The following S100A5 variants were observed in gnomAD, a reference collection of about 807,000 sequenced individuals.
S100A5 encodes S100 calcium binding protein A5.
A neutral mutation model predicts 6.7 loss-of-function variants in S100A5; 5 were observed. That is an observed-to-expected ratio of 0.75 (90% CI 0.39 to 1.57). The LOEUF is 1.57. Among genes scored for constraint, S100A5 ranks in the 40% most tolerant of loss-of-function variants. S100A5 has a pLI of 0.03. For missense variants in S100A5, 129 were observed against 110.8 expected (o/e 1.16, Z -0.74); for synonymous variants, 49 against 44.9 (o/e 1.09, Z -0.37).
upstream of S100A5, chr1:153,541,326 T>C: frequency 1.5e-6 from 2 of 1,303,066 alleles, no homozygotes; most frequent in Non-Finnish European, 2.1e-6. Context: ...GTCACCCTCA[T>C]CATCCAGCGT....
rs763744728 is a variant in S100A5 at position 153,540,200 on chromosome 1, G to A, written c.-9C>T. 1.9e-6 allele frequency: 3 copies of A among 1,614,096 alleles called. No individual in the cohort carries two copies. The highest frequency in any genetic ancestry group is 2.5e-6 in the Non-Finnish European group (3 of 1,179,974). ...TCCAGAGGAGTCTCCATCACAGTGT[G>A]CAGCTCTGTAGAGGGAGAGGGGAAG... On this transcript the variant is annotated 5_prime_UTR_variant, in exon 2 of 3. Transcript: ENST00000368717.
intron 1 of S100A5, among the ~76,000 whole-genome samples, 154 bp downstream of exon 1, chr1:153,540,467 T>C (rs1352298905): frequency 6.6e-6 from 1 of 152,150 alleles, no homozygotes; most frequent in Non-Finnish European, 1.5e-5. Context: ...AAAGTAGGCC[T>C]GAGGCAGAAA....
chr1:153,543,299 C>A, upstream of S100A5: 2 of 985,412 alleles, frequency 2.0e-6, no homozygotes, highest in Non-Finnish European at 2.4e-6. Context: ...ACCTTCAATT[C>A]CAGCCTCGGT....
upstream of S100A5, among the ~76,000 whole-genome samples, chr1:153,541,089 C>G (rs973428467): frequency 1.3e-5 from 2 of 152,152 alleles, no homozygotes; most frequent in South Asian, 4.1e-4. Context: ...CCCATCATTC[C>G]TCTCCCACCA....
upstream of S100A5, chr1:153,543,615 A>T: frequency 1.2e-6 from 1 of 847,240 alleles, no homozygotes; most frequent in Non-Finnish European, 1.9e-6. Context: ...TCAAACCATC[A>T]GCCTCAAAAC....
chr1:153,541,532 C>G (rs1470984255), upstream of S100A5: 1 of 1,324,850 alleles, frequency 7.5e-7, no homozygotes, highest in East Asian at 4.9e-5. Context: ...AGGATGCCCA[C>G]GTCAGAGCCT....
At position 153,540,052 on chromosome 1, in the gene S100A5, ACCTC is replaced by A; in HGVS notation, c.136_138+1del. On this transcript the variant is annotated splice_donor_variant and coding_sequence_variant, in exon 2 of 3. Coordinates refer to ENST00000368717, the MANE Select transcript of S100A5 (RefSeq NM_001394232.1). LOFTEE classifies it high-confidence loss of function. ...GTGGAGGATGAGGGAACAATCACCT[ACCTC>A]CCCAAGACACAGCTCTTTCTTGATC... is the stretch of plus-strand genomic sequence containing the variant. 1 of 1,613,132 alleles carries A rather than the reference ACCTC, an allele frequency of 6.2e-7. No homozygotes were observed. The highest frequency in any genetic ancestry group is 8.5e-7 in the Non-Finnish European group (1 of 1,179,756).
intron 2 of S100A5, 63 bp downstream of exon 2, chr1:153,539,991 G>A: frequency 1.3e-6 from 2 of 1,583,114 alleles, no homozygotes; most frequent in Non-Finnish European, 1.7e-6. Context: ...CTGAGGGTAG[G>A]TATGTGTCCC....
upstream of S100A5, among the ~76,000 whole-genome samples, chr1:153,542,983 G>A (rs1206448772): frequency 3.9e-5 from 6 of 152,026 alleles, no homozygotes; most frequent in East Asian, 5.8e-4. Flanking sequence ...TGGCAGAGAC[G>A]GTGGATTCGA....
In S100A5 at chr1:153,537,442, G is replaced by T; in HGVS notation, c.139-6C>A. 6.2e-7 allele frequency: 1 copy of T among 1,613,812 alleles called. No homozygotes were observed. The highest frequency in any genetic ancestry group is 8.5e-7 in the Non-Finnish European group (1 of 1,179,884). Reference sequence around the variant, plus strand: ...TCGATGCTGCTCTCCTTCATCTTTTGTGGACCCAGGTGGAGAGACAGCTCA... The same window carrying T: ...TCGATGCTGCTCTCCTTCATCTTTTTTGGACCCAGGTGGAGAGACAGCTCA... On this transcript the variant is annotated splice_polypyrimidine_tract_variant and splice_region_variant and intron_variant, in intron 2 of 2. Coordinates refer to ENST00000368717, the MANE Select transcript of S100A5 (RefSeq NM_001394232.1).
At chr1:153,543,635 T>C, upstream of S100A5, 1 of 975,016 alleles carries the variant, frequency 1.0e-6, no homozygotes. Context: ...CTTCCAAGAA[T>C]CTTTATTGAA....
chr1:153,538,533 C>G (rs1443813661), intron 2 of S100A5, among the ~76,000 whole-genome samples: 2 of 151,678 alleles, frequency 1.3e-5, no homozygotes, highest in African/African-American at 4.9e-5. Flanking sequence ...GACCTGTGGC[C>G]CCTCCCTCTG....
chr1:153,539,988 T>C, intron 2 of S100A5, 66 bp downstream of exon 2: 1 of 1,576,576 alleles, frequency 6.3e-7, no homozygotes, highest in Non-Finnish European at 8.7e-7. Context: ...ATCCTGAGGG[T>C]AGGTATGTGT....
In S100A5 at chr1:153,540,068, G is replaced by A. The variant is rs1285741753; in HGVS notation, c.124C>T (p.Leu42=). 2 of 1,614,030 alleles carry A rather than the reference G, an allele frequency of 1.2e-6. No individual in the cohort carries two copies. The highest frequency in any genetic ancestry group is 8.5e-7 in the Non-Finnish European group (1 of 1,180,034). ...CAATCACCTACCTCCCCAAGACACA[G>A]CTCTTTCTTGATCAGCTCCTTGAGT... is the stretch of plus-strand genomic sequence containing the variant. ...KELKELIKKE[L]CLGEMKESSI... The change falls in exon 2 of 3, where the codon CTG becomes TTG. Residue 42 remains leucine, a synonymous_variant. Coordinates refer to ENST00000368717, the MANE Select transcript of S100A5 (RefSeq NM_001394232.1).
At chr1:153,541,984 A>C (rs1260539967), upstream of S100A5, 1 of 736,106 alleles carries the variant, frequency 1.4e-6, no homozygotes, top group East Asian at 1.3e-4. Context: ...TCTAGGCCTC[A>C]CTGCTCTTCA....
At chr1:153,538,506 G>A (rs912021498) in intron 2 of S100A5, among the ~76,000 whole-genome samples, 3 of 152,162 alleles carry the variant, frequency 2.0e-5, no homozygotes, top group Non-Finnish European at 4.4e-5. Flanking sequence ...CTCTCCTTCT[G>A]TAATTAATCC....
chr1:153,540,902 C>T lies in S100A5; in HGVS notation c.-296G>A, dbSNP rs1384145158. ...TGAATAAGGGCCTGGATTCCAATAG[C>T]ACAGCCACCCTCAGCCAAGGGAAGA... On this transcript the variant is annotated 5_prime_UTR_variant, in exon 1 of 3. Coordinates refer to ENST00000368717, the MANE Select transcript of S100A5 (RefSeq NM_001394232.1). Among the ~76,000 whole-genome samples, 2 of 152,166 alleles carry T rather than the reference C, an allele frequency of 1.3e-5. No individual in the cohort carries two copies. Among genetic ancestry groups the T allele is most frequent in the South Asian group, 2.1e-4 (1 of 4,832 alleles).
At chr1:153,538,404 T>C (rs947707493) in intron 2 of S100A5, among the ~76,000 whole-genome samples, 19 of 152,194 alleles carry the variant, frequency 1.2e-4, no homozygotes, top group Non-Finnish European at 2.6e-4. Flanking sequence ...ACAGGAGACA[T>C]TGGGACTTAC....
intron 2 of S100A5, among the ~76,000 whole-genome samples, chr1:153,538,493 C>T (rs150541313): frequency 6.6e-5 from 10 of 152,224 alleles, no homozygotes; most frequent in African/African-American, 1.9e-4. Context: ...CTCCTCTGGG[C>T]GTCTCTCCTT....
Sources: allele counts gnomAD v4.1 joint callset (sites outside exome capture counted in the v4.1 genomes callset), GRCh38; gene constraint gnomAD v4.1.1; transcripts MANE v1.5; gene names NCBI Gene and HGNC (gene_info 2026-07-23, HGNC 2026-07-21).